The following NNT variants were observed in gnomAD, a reference collection of about 807,000 sequenced individuals.
NNT encodes nicotinamide nucleotide transhydrogenase.
A neutral mutation model predicts 104.8 loss-of-function variants in NNT; 50 were observed. That is an observed-to-expected ratio of 0.48 (90% confidence interval 0.38 to 0.60). NNT has a LOEUF of 0.60. NNT is among the 20% of genes least tolerant of loss of function. NNT has a pLI of 0.00. For synonymous variants in NNT, 461 were observed against 490.4 expected (o/e 0.94, Z 0.79); for missense variants, 1,131 against 1,330.7 (o/e 0.85, Z 2.33).
At chr5:43,657,982 A>C (rs556172177) in intron 16 of NNT, among the ~76,000 whole-genome samples, 87 of 152,192 alleles carry the variant, frequency 5.7e-4, no homozygotes, top group Non-Finnish European at 7.5e-4. Flanking sequence ...TAAAAATACA[A>C]AAATAAGCCG....
At chr5:43,648,882 T>C (rs1354842788) in intron 10 of NNT, among the ~76,000 whole-genome samples, 2 of 152,180 alleles carry the variant, frequency 1.3e-5, no homozygotes, top group Non-Finnish European at 2.9e-5. Flanking sequence ...GAGGAAAATG[T>C]GCAAATTGTT....
intron 5 of NNT, among the ~76,000 whole-genome samples, chr5:43,622,166 G>A (rs13360656): frequency 4.6e-5 from 7 of 152,190 alleles, no homozygotes; most frequent in Admixed American, 2.6e-4. Context: ...GTAGAGAAAG[G>A]TGAAGGATTT....
Position 43,705,935 on chromosome 5 carries a change from T to C in NNT, c.*1531T>C, listed in dbSNP as rs1242861548. 3.3e-5 allele frequency: 5 copies of C among 152,238 alleles called. No individual in the cohort carries two copies. Among genetic ancestry groups the C allele is most frequent in the African/African-American group, 9.6e-5 (4 of 41,582 alleles). 9.4% of individuals were successfully genotyped at this position (152,238 alleles called of 1,614,324 possible). Reference sequence around the variant, plus strand: ...TAGAAGAAAGTAAACACCATCTTTATTCCTGCCCTTTTTCTTCTCTCAAAG... The same window carrying C: ...TAGAAGAAAGTAAACACCATCTTTACTCCTGCCCTTTTTCTTCTCTCAAAG... On this transcript the variant is annotated 3_prime_UTR_variant, in exon 22 of 22. Coordinates refer to ENST00000344920, the MANE Select transcript of NNT (RefSeq NM_182977.3).
intron 2 of NNT, among the ~76,000 whole-genome samples, chr5:43,612,403 A>G (rs1388848459): frequency 6.6e-6 from 1 of 152,234 alleles, no homozygotes; most frequent in Non-Finnish European, 1.5e-5. Flanking sequence ...GTCTTAAGAT[A>G]CAACACTTAG....
intron 17 of NNT, among the ~76,000 whole-genome samples, chr5:43,663,547 CCTT>C (rs1740481124): frequency 6.6e-6 from 1 of 152,146 alleles, no homozygotes; most frequent in African/African-American, 2.4e-5. Flanking sequence ...CGTTGATAAA[CCTT>C]CTTTATGCTT....
intron 17 of NNT, among the ~76,000 whole-genome samples, chr5:43,673,879 G>T (rs577348366): frequency 6.6e-6 from 1 of 152,226 alleles, no homozygotes; most frequent in Non-Finnish European, 1.5e-5. Flanking sequence ...AGTTAGCCAG[G>T]TGTGGTGGCA....
chr5:43,652,941 C>A, intron 13 of NNT, 77 bp from the exon 14 acceptor site: 1 of 1,094,348 alleles, frequency 9.1e-7, no homozygotes, highest in Non-Finnish European at 1.3e-6. Flanking sequence ...TCCTAATTGG[C>A]AGGAAAATAT....
chr5:43,664,228 AT>A (rs1181183754), intron 17 of NNT, among the ~76,000 whole-genome samples: 1 of 152,224 alleles, frequency 6.6e-6, no homozygotes, highest in African/African-American at 2.4e-5. Flanking sequence ...TCATATAGAC[AT>A]TAACCTCTTT....
intron 19 of NNT, among the ~76,000 whole-genome samples, chr5:43,687,110 C>T (rs1742029854): frequency 6.6e-6 from 1 of 152,098 alleles, no homozygotes; most frequent in African/African-American, 2.4e-5. Context: ...GTAAATAAGA[C>T]ATGGTTTGTT....
chr5:43,644,288 T>G lies in NNT; in HGVS notation c.1061T>G (p.Phe354Cys). The G allele has an allele frequency of 6.2e-7, 1 of 1,613,916 alleles. No individual in the cohort carries two copies. Among genetic ancestry groups the G allele is most frequent in the Non-Finnish European group, 8.5e-7 (1 of 1,179,970 alleles). ...TTAGCTGCTGAGGCTGGTGGAAACT[T>G]TGAAACCACTAAGCCAGGAGAACTC... ...VDLAAEAGGN[F>C]ETTKPGELYI... Residue 354 changes from phenylalanine (F) to cysteine (C), a missense_variant, in exon 8 of 22, where the codon TTT becomes TGT. Transcript: ENST00000344920.
chr5:43,619,180 A>G (rs976052208), intron 5 of NNT, 61 bp downstream of exon 5: 25 of 952,520 alleles, frequency 2.6e-5, no homozygotes, highest in Non-Finnish European at 3.6e-5. Flanking sequence ...GGGTATGTAT[A>G]GTCTTAAAAT....
Position 43,651,736 on chromosome 5 carries a change from A to C in NNT, c.1718-3A>C, listed in dbSNP as rs774992283. The stretch of plus-strand genomic sequence containing the variant: ...TGTTTTTTATTTCCTTTGGTTTGCT[A>C]AGGTGGCTTTCTGGTGACTCAGAGA... On this transcript the variant is annotated splice_region_variant and splice_polypyrimidine_tract_variant and intron_variant, in intron 12 of 21. Coordinates refer to ENST00000344920, the MANE Select transcript of NNT (RefSeq NM_182977.3). 11 of 1,614,088 alleles carry C rather than the reference A, an allele frequency of 6.8e-6. No homozygotes were observed. Among genetic ancestry groups the C allele is most frequent in the Non-Finnish European group, 9.3e-6 (11 of 1,179,982 alleles).
At chr5:43,699,353 C>CTTTT (rs11397352) in intron 19 of NNT, among the ~76,000 whole-genome samples, 80 of 122,486 alleles carry the variant, frequency 6.5e-4, no homozygotes, top group East Asian at 2.6e-3. Context: ...ATCTCCCTAC[C>CTTTT]TTTTTTTTTT....
chr5:43,698,287 C>A (rs942060478), intron 19 of NNT, among the ~76,000 whole-genome samples: 5 of 151,754 alleles, frequency 3.3e-5, no homozygotes, highest in African/African-American at 1.2e-4. Context: ...GAAAAAAAAT[C>A]AATTCCCAGC....
chr5:43,664,694 A>G (rs985316537), intron 17 of NNT, among the ~76,000 whole-genome samples: 8 of 152,214 alleles, frequency 5.3e-5, no homozygotes, highest in Admixed American at 3.3e-4. Context: ...TCTCTGGAAC[A>G]GTGGTCATAG....
intron 5 of NNT, 109 bp from the exon 6 acceptor site, chr5:43,623,923 C>T (rs937312840): frequency 1.1e-4 from 108 of 981,488 alleles, no homozygotes; most frequent in Middle Eastern, 4.5e-4. Context: ...CCATCTGCAC[C>T]GCCATTTATT....
chr5:43,620,023 C>T (rs1254601763), intron 5 of NNT, among the ~76,000 whole-genome samples: 1 of 152,128 alleles, frequency 6.6e-6, no homozygotes, highest in African/African-American at 2.4e-5. Context: ...GGGCATTAAT[C>T]TGTTCATGGG....
chr5:43,639,446 C>T (rs1751105223), intron 7 of NNT, among the ~76,000 whole-genome samples: 1 of 152,130 alleles, frequency 6.6e-6, no homozygotes. Flanking sequence ...CACTTATTCA[C>T]TCCAAATAAC....
Position 43,645,454 on chromosome 5 carries a change from C to A in NNT, c.1388C>A (p.Ala463Glu). ...GTGGCTGAGCTGGAAGCTGAAAAAG[C>A]AGCTACCATTACACCCTTCAGGAAG... Reference protein sequence around the residue: ...KTVAELEAEKAATITPFRKTM... With the variant: ...KTVAELEAEKEATITPFRKTM... The change falls in exon 10 of 22, where the codon GCA becomes GAA. Residue 463 changes from alanine to glutamate, a missense_variant. Ala to Glu is a moderately radical substitution (Grantham distance 107, BLOSUM62 -1). Coordinates refer to ENST00000344920, the MANE Select transcript of NNT (RefSeq NM_182977.3). The A allele has an allele frequency of 6.3e-7, 1 of 1,576,076 alleles. No homozygotes were observed.
Sources: gnomAD v4.1 joint callset for allele counts (sites outside exome capture counted in the v4.1 genomes callset) on GRCh38, gnomAD v4.1.1 for gene constraint, MANE v1.5 for transcripts, NCBI Gene and HGNC (gene_info 2026-07-23, HGNC 2026-07-21) for gene names.